The following LRBA variants were observed in gnomAD, a reference collection of about 807,000 sequenced individuals.
The protein encoded by LRBA is LPS responsive beige-like anchor protein.
Under a neutral mutation model 330.0 loss-of-function variants are expected in LRBA, and 176 were observed. That is an observed-to-expected ratio of 0.53 (90% CI 0.47 to 0.60). LRBA has a LOEUF of 0.60. Ranked by LOEUF, LRBA falls within the 20% of genes least tolerant of loss-of-function variation. The probability of loss-of-function intolerance (pLI) is 0.00; values close to 1 mark genes in which losing one functional copy is unlikely to be tolerated. For synonymous variants in LRBA, 1,230 were observed against 1,193.0 expected, an observed-to-expected ratio of 1.03 and a Z score of -0.64; for missense variants, 3,259 against 3,444.8, an observed-to-expected ratio of 0.95 and a Z score of 1.35.
intron 47 of LRBA, among the ~76,000 whole-genome samples, chr4:150,410,738 TTAAA>T (rs756765433): frequency 7.2e-5 from 11 of 152,184 alleles, no homozygotes; most frequent in Non-Finnish European, 1.6e-4. Context: ...TAAATACATG[TTAAA>T]TGAATGAACT....
chr4:150,523,174 G>A (rs1763107520), intron 40 of LRBA, among the ~76,000 whole-genome samples: 1 of 152,222 alleles, frequency 6.6e-6, no homozygotes, highest in South Asian at 2.1e-4. Flanking sequence ...TAGAATAAAT[G>A]TGTTTTGCAT....
Position 150,561,061 on chromosome 4 carries a change from C to A in LRBA, c.6330+26987G>T, listed in dbSNP as rs573828563. Among the ~76,000 whole-genome samples the A allele has an allele frequency of 2.0e-5, 3 of 152,256 alleles. No individual in the cohort carries two copies. In the East Asian group the frequency reaches 5.8e-4, roughly 29 times the overall value. On this transcript the variant is annotated intron_variant, in intron 40 of 56. Transcript: ENST00000651943. ...ACAATTTATAAACAGTAATTCTCTA[C>A]TAAAATTTACCAAAACATAATTCTT...
intron 54 of LRBA, 77 bp downstream of exon 54, chr4:150,285,856 C>T: frequency 1.2e-6 from 1 of 860,780 alleles, no homozygotes; most frequent in Non-Finnish European, 1.7e-6. Flanking sequence ...AAAAAAGGTA[C>T]CAAATTAATC....
intron 37 of LRBA, among the ~76,000 whole-genome samples, chr4:150,649,125 T>G (rs997610243): frequency 6.6e-6 from 1 of 152,186 alleles, no homozygotes; most frequent in African/African-American, 2.4e-5. Flanking sequence ...GCACTTGTTA[T>G]CTCTTAAACT....
intron 35 of LRBA, among the ~76,000 whole-genome samples, chr4:150,757,322 A>T (rs1011843064): frequency 8.5e-5 from 13 of 152,204 alleles, no homozygotes; most frequent in African/African-American, 3.1e-4. Flanking sequence ...TCATAGCTAG[A>T]ACAACATCAG....
intron 17 of LRBA, among the ~76,000 whole-genome samples, chr4:150,890,741 C>CATGTAGTGAATG (rs1232250673): frequency 1.3e-5 from 2 of 152,114 alleles, no homozygotes; most frequent in Admixed American, 6.5e-5. Flanking sequence ...GAGTTAGTCA[C>CATGTAGTGAATG]AAGGACAATG....
chr4:150,759,648 G>A (rs530828640), intron 35 of LRBA, among the ~76,000 whole-genome samples: 68 of 151,506 alleles, frequency 4.5e-4, no homozygotes, highest in African/African-American at 1.5e-3. Context: ...AGTACTAACC[G>A]TCATTCACAT....
chr4:150,268,453 C>G (rs541705103), intron 56 of LRBA, among the ~76,000 whole-genome samples: 1 of 152,184 alleles, frequency 6.6e-6, no homozygotes, highest in Admixed American at 6.5e-5. Flanking sequence ...TACCATGACA[C>G]CAAAGCCAGT....
At chr4:150,384,615 G>A (rs1390098525) in intron 47 of LRBA, among the ~76,000 whole-genome samples, 1 of 152,140 alleles carries the variant, frequency 6.6e-6, no homozygotes, top group Non-Finnish European at 1.5e-5. Context: ...AGGGAATTAC[G>A]ATGAGAAGGG....
At chr4:150,584,112 T>G (rs1359485709) in intron 40 of LRBA, 1 of 1,514,392 alleles carries the variant, frequency 6.6e-7, no homozygotes, top group South Asian at 1.3e-5. Flanking sequence ...AACTATAGGG[T>G]GCTGGGGACT....
intron 44 of LRBA, among the ~76,000 whole-genome samples, chr4:150,453,107 A>C (rs1047452545): frequency 1.3e-5 from 2 of 152,200 alleles, no homozygotes; most frequent in Admixed American, 1.3e-4. Context: ...TATTCTTAGT[A>C]CTTTATTTTT....
chr4:150,812,220 G>C (rs1256022658), intron 31 of LRBA, among the ~76,000 whole-genome samples: 2 of 152,058 alleles, frequency 1.3e-5, no homozygotes, highest in African/African-American at 2.4e-5. Flanking sequence ...AATATTTCCA[G>C]CAAATGATCA....
intron 40 of LRBA, among the ~76,000 whole-genome samples, chr4:150,519,456 C>T (rs1031084833): frequency 2.6e-5 from 4 of 152,140 alleles, no homozygotes; most frequent in African/African-American, 9.6e-5. Flanking sequence ...CACATGGAAT[C>T]GTACATCATG....
chr4:151,000,042 TAAC>T (rs1263832579), intron 2 of LRBA, among the ~76,000 whole-genome samples: 13 of 152,284 alleles, frequency 8.5e-5, no homozygotes, highest in Admixed American at 4.6e-4. Flanking sequence ...AGTAAGAGAT[TAAC>T]AACAATAACT....
At chr4:150,877,558 T>C (rs1184338483) in intron 17 of LRBA, among the ~76,000 whole-genome samples, 7 of 152,228 alleles carry the variant, frequency 4.6e-5, no homozygotes, top group Admixed American at 3.9e-4. Context: ...AGGAACAGAC[T>C]TAGACAGTCA....
chr4:150,862,457 C>G (rs1307833724), intron 22 of LRBA, among the ~76,000 whole-genome samples: 1 of 152,014 alleles, frequency 6.6e-6, no homozygotes, highest in Non-Finnish European at 1.5e-5. Context: ...CATGTTCTCA[C>G]TCATAGGTGG....
chr4:150,685,420 ATTTTTTTTTTTTTTT>A lies in LRBA; in HGVS notation c.5755-1718_5755-1704del, dbSNP rs70941424. The stretch of plus-strand genomic sequence containing the variant: ...TATATATATATATATATATATATAT[ATTTTTTTTTTTTTTT>A]TTTTTTTTTTTTTTTGAGACAGTCT... On this transcript the variant is annotated intron_variant, in intron 36 of 56. Transcript: ENST00000651943. Among the ~76,000 whole-genome samples the A allele has an allele frequency of 2.6e-3, 45 of 17,424 alleles. 2 individuals carry two copies. The highest frequency in any genetic ancestry group is 0.01 in the African/African-American group (42 of 4,200). 11.4% of individuals were successfully genotyped at this position (17,424 alleles called of 152,430 possible). A position where few individuals can be genotyped will look rare whatever the true frequency, so the allele number is the denominator to read the frequency against.
chr4:150,409,113 T>C (rs913401725), intron 47 of LRBA, among the ~76,000 whole-genome samples: 3 of 152,012 alleles, frequency 2.0e-5, no homozygotes, highest in African/African-American at 7.2e-5. Context: ...TAATCTAATA[T>C]GAATGGTGTC....
At chr4:150,915,215 C>A (rs1732456020) in intron 8 of LRBA, among the ~76,000 whole-genome samples, 1 of 151,888 alleles carries the variant, frequency 6.6e-6, no homozygotes, top group Admixed American at 6.6e-5. Flanking sequence ...TTTTTGAAAC[C>A]TGTAAACGTT....
Sources: gnomAD v4.1 joint callset for allele counts (sites outside exome capture counted in the v4.1 genomes callset) on GRCh38, gnomAD v4.1.1 for gene constraint, MANE v1.5 for transcripts, NCBI Gene and HGNC (gene_info 2026-07-23, HGNC 2026-07-21) for gene names.